The following ZNF280C variants were observed in gnomAD, a reference collection of about 807,000 sequenced individuals.
ZNF280C encodes suppressor of hairy wing homolog 3.
In ZNF280C, 14 loss-of-function variants were observed where a neutral mutation model predicts 53.6. The observed-to-expected ratio is 0.26, with a 90% CI of 0.17 to 0.41. The LOEUF is 0.41. Ranked by LOEUF, ZNF280C falls within the 10% of genes least tolerant of loss-of-function variation. ZNF280C has a pLI of 1.00. For synonymous variants in ZNF280C, 203 were observed against 181.1 expected (o/e 1.12, Z -0.97); for missense variants, 416 against 547.1 (o/e 0.76, Z 2.39).
At chrX:130,255,772 T>C (rs897217127) in intron 2 of ZNF280C, among the ~76,000 whole-genome samples, 1 of 111,082 alleles carries the variant, frequency 9.0e-6, no homozygotes, top group East Asian at 2.9e-4. Flanking sequence ...ATGGACAACA[T>C]GGTGAGACGC....
In ZNF280C at chrX:130,206,854, T is replaced by C. The variant is rs76393108; in HGVS notation, c.2043-1439A>G. 3.6e-3 allele frequency among the ~76,000 whole-genome samples: 399 copies of C among 112,282 alleles called. 18 individuals are homozygous for C. The East Asian group carries it at 0.1, about 29-fold the overall frequency. ...AGTTATCTCTGACTTTCTTCTTACGTAAAACATTCAATATTTCAAACGTTT... is the reference window on the plus strand; with the variant it reads ...AGTTATCTCTGACTTTCTTCTTACGCAAAACATTCAATATTTCAAACGTTT... On this transcript the variant is annotated intron_variant, in intron 16 of 18. Transcript: ENST00000370978.
rs771471581 is a variant in ZNF280C at position 130,234,677 on chromosome X, T to C, written c.771+1537A>G. On this transcript the variant is annotated intron_variant, in intron 8 of 18. Transcript: ENST00000370978. ...AACACTGACTTTTTTCTTGCCTCCT[T>C]TGCCCCTTCCTGTCATTTACACTGG... 2.7e-5 allele frequency among the ~76,000 whole-genome samples: 3 copies of C among 111,879 alleles called. No homozygotes were observed. In the Admixed American group the frequency reaches 2.9e-4, roughly 11 times the overall value.
intron 8 of ZNF280C, among the ~76,000 whole-genome samples, chrX:130,232,433 A>C (rs2032287736): frequency 9.1e-6 from 1 of 110,032 alleles, no homozygotes. Flanking sequence ...ATAAAAAAAT[A>C]GGAGAAACTA....
At chrX:130,224,803 C>T (rs1472934562) in intron 12 of ZNF280C, among the ~76,000 whole-genome samples, 2 of 111,680 alleles carry the variant, frequency 1.8e-5, no homozygotes, top group African/African-American at 6.5e-5. Context: ...GACGACTCCT[C>T]CCACTGCAAG....
At chrX:130,242,173 G>T (rs1160757441) in intron 5 of ZNF280C, among the ~76,000 whole-genome samples, 1 of 109,929 alleles carries the variant, frequency 9.1e-6, no homozygotes, top group Non-Finnish European at 1.9e-5. Context: ...AACTTGGGAG[G>T]CAGAGGTTGC....
At chrX:130,267,937 G>A (rs1472202706) in intron 1 of ZNF280C, among the ~76,000 whole-genome samples, 1 of 112,038 alleles carries the variant, frequency 8.9e-6, no homozygotes, top group African/African-American at 3.2e-5. Context: ...TCCCCTGGAT[G>A]AAGGTCTCCC....
intron 1 of ZNF280C, among the ~76,000 whole-genome samples, chrX:130,263,365 A>G (rs1284687874): frequency 8.9e-6 from 1 of 112,641 alleles, no homozygotes; most frequent in Non-Finnish European, 1.9e-5. Flanking sequence ...ACTGAACACT[A>G]TTTGGTAATA....
intron 1 of ZNF280C, among the ~76,000 whole-genome samples, chrX:130,264,711 C>A (rs1363595936): frequency 3.6e-5 from 4 of 110,424 alleles, no homozygotes; most frequent in Non-Finnish European, 7.6e-5. Context: ...ATGAAAAACT[C>A]AATAGAAGTA....
At chrX:130,237,402 A>G (rs1646215184) in intron 6 of ZNF280C, among the ~76,000 whole-genome samples, 1 of 111,816 alleles carries the variant, frequency 8.9e-6, no homozygotes, top group Non-Finnish European at 1.9e-5. Flanking sequence ...ATTTCTGCAT[A>G]AATTTTATCT....
In ZNF280C at chrX:130,215,257, T is replaced by G; in HGVS notation, c.1915A>C (p.Ile639Leu). The G allele has an allele frequency of 8.3e-7, 1 of 1,204,573 alleles. No individual in the cohort carries two copies. Among genetic ancestry groups the G allele is most frequent in the Non-Finnish European group, 1.1e-6 (1 of 891,514 alleles). The change falls in exon 15 of 19, where the codon ATC becomes CTC. Residue 639 changes from isoleucine to leucine, a missense_variant. Physicochemically the swap from Ile to Leu is conservative, Grantham distance 5 (BLOSUM62 2). Transcript: ENST00000370978. Reference protein sequence around the residue: ...KDFASHFSIYIHCSFCKYNTN... With the variant: ...KDFASHFSIYLHCSFCKYNTN... ...TTGTACTTGCAAAAACTGCAGTGGATGTATATAGAAAAGTGGCTTGCAAAA... is the reference window on the plus strand; with the variant it reads ...TTGTACTTGCAAAAACTGCAGTGGAGGTATATAGAAAAGTGGCTTGCAAAA...
chrX:130,249,477 T>C (rs1296916774), intron 2 of ZNF280C, among the ~76,000 whole-genome samples: 2 of 111,874 alleles, frequency 1.8e-5, no homozygotes, highest in Non-Finnish European at 3.8e-5. Flanking sequence ...GTTCCTAACC[T>C]TGAGAAGCCA....
At chrX:130,214,330 T>C (rs995539643) in intron 15 of ZNF280C, among the ~76,000 whole-genome samples, 2 of 111,651 alleles carry the variant, frequency 1.8e-5, no homozygotes, top group Non-Finnish European at 3.8e-5. Flanking sequence ...AAAGGAATTC[T>C]AACGGTAGCA....
At chrX:130,250,613 G>A (rs1489372128) in intron 2 of ZNF280C, among the ~76,000 whole-genome samples, 1 of 111,356 alleles carries the variant, frequency 9.0e-6, no homozygotes, top group African/African-American at 3.3e-5. Flanking sequence ...GAATAATAAC[G>A]AGCTCTGAAA....
intron 12 of ZNF280C, among the ~76,000 whole-genome samples, chrX:130,225,175 C>A (rs2032207836): frequency 9.0e-6 from 1 of 110,829 alleles, no homozygotes. Context: ...TGTTATCACT[C>A]CCTTCAAATC....
intron 12 of ZNF280C, among the ~76,000 whole-genome samples, chrX:130,222,276 C>CCACACACACACACACACACACACACACA (rs59694150): frequency 2.9e-5 from 2 of 69,930 alleles, no homozygotes; most frequent in South Asian, 1.1e-3. Context: ...CATTCAGACA[C>CCACACACACACACACACACACACACACA]CACACACACA....
At chrX:130,246,827 G>T (rs1455115067) in intron 3 of ZNF280C, 32 bp downstream of exon 3, 1 of 1,195,869 alleles carries the variant, frequency 8.4e-7, no homozygotes, top group Non-Finnish European at 1.1e-6. Context: ...ACCATCTTAT[G>T]AAACGTTACT....
At position 130,209,911 on chromosome X, in the gene ZNF280C, C is replaced by T. The variant is rs755128916; in HGVS notation, c.1980-196G>A. Among the ~76,000 whole-genome samples the T allele has an allele frequency of 2.3e-3, 262 of 111,670 alleles. 2 individuals are homozygous for T. The highest frequency in any genetic ancestry group is 8.0e-3 in the African/African-American group (245 of 30,707). On this transcript the variant is annotated intron_variant, in intron 15 of 18. Transcript: ENST00000370978. The stretch of plus-strand genomic sequence containing the variant: ...CCCAAAATTCATGTTAAAATCTTAA[C>T]CCCCAAAGTGATGGCATTAAGAGGT...
chrX:130,240,568 T>C (rs1435929587), intron 5 of ZNF280C, among the ~76,000 whole-genome samples: 1 of 112,098 alleles, frequency 8.9e-6, no homozygotes, highest in Non-Finnish European at 1.9e-5. Context: ...AAGTGGAAAA[T>C]ATCCGTTTGC....
At chrX:130,236,164 C>T (rs1181173693) in intron 8 of ZNF280C, 50 bp downstream of exon 8, 2 of 905,425 alleles carry the variant, frequency 2.2e-6, no homozygotes, top group African/African-American at 2.0e-5. Context: ...TCAATATTTT[C>T]AAGGATCTAT....
Sources: gnomAD v4.1 joint callset for allele counts (sites outside exome capture counted in the v4.1 genomes callset) on GRCh38, gnomAD v4.1.1 for gene constraint, MANE v1.5 for transcripts, NCBI Gene and HGNC (gene_info 2026-07-23, HGNC 2026-07-21) for gene names.